PCSK7: variants seen among roughly 807,000 people sequenced by gnomAD.
PCSK7 encodes the protein lymphoma proprotein convertase.
A neutral mutation model predicts 73.3 loss-of-function variants in PCSK7; 38 were observed. The observed-to-expected ratio is 0.52, with a 90% CI of 0.40 to 0.68. The LOEUF is 0.68. Ranked by LOEUF, PCSK7 falls within the 30% of genes least tolerant of loss-of-function variation. The pLI is 0.00. For synonymous variants in PCSK7, 296 were observed against 383.8 expected, an observed-to-expected ratio of 0.77 and a Z score of 2.68; for missense variants, 692 against 991.5, an observed-to-expected ratio of 0.70 and a Z score of 4.06.
rs1457714312 is a variant in PCSK7, at chr11:117,218,019, C to T, written c.1534+447G>A. ...CCCTCTGTCCATCCCCAGCAGACCA[C>T]ATCTGACTCTCTCTATTAGGTAAGC... On this transcript the variant is annotated intron_variant, in intron 12 of 16. Coordinates refer to ENST00000320934, the MANE Select transcript of PCSK7 (RefSeq NM_004716.4). The surrounding 1 kb of genome is among the most constrained non-coding windows in gnomAD (Gnocchi z 4.0). The T allele has an allele frequency of 6.6e-6, 1 of 152,668 alleles. No homozygotes were observed. Among genetic ancestry groups the T allele is most frequent in the Non-Finnish European group, 1.5e-5 (1 of 68,386 alleles). 9.5% of individuals were successfully genotyped at this position (152,668 alleles called of 1,614,324 possible).
chr11:117,230,219 T>C (rs2032591576), intron 2 of PCSK7, 130 bp downstream of exon 2: 1 of 203,844 alleles, frequency 4.9e-6, no homozygotes, highest in Non-Finnish European at 9.9e-6. Flanking sequence ...ACTGGCTGCA[T>C]CGTGACTGTT....
intron 4 of PCSK7, among the ~76,000 whole-genome samples, chr11:117,227,799 CTG>C (rs531387228): frequency 4.5e-4 from 69 of 152,336 alleles, no homozygotes; most frequent in Non-Finnish European, 8.2e-4. Flanking sequence ...GCAAAGGACA[CTG>C]GGGCAAAACT....
At chr11:117,231,520 CCCA>C (rs1285798775) in intron 1 of PCSK7, among the ~76,000 whole-genome samples, 1 of 152,182 alleles carries the variant, frequency 6.6e-6, no homozygotes, top group Non-Finnish European at 1.5e-5. Context: ...CTCAGTAGAT[CCCA>C]CCACAGATGT....
Position 117,227,886 on chromosome 11 carries a change from A to T in PCSK7, c.603+330T>A, listed in dbSNP as rs1057185234. ...TGCCTACAGCTCCACGGCTTGGGAA[A>T]CCTGGAAAAAAGGCAGGTAGGGCTC... is the stretch of plus-strand genomic sequence containing the variant. On this transcript the variant is annotated intron_variant, in intron 4 of 16. Coordinates refer to ENST00000320934, the MANE Select transcript of PCSK7 (RefSeq NM_004716.4). Among the ~76,000 whole-genome samples, 4 of 152,156 alleles carry T rather than the reference A, an allele frequency of 2.6e-5. No homozygotes were observed. In the East Asian group the frequency reaches 7.7e-4, roughly 29 times the overall value.
At position 117,219,178 on chromosome 11, in the gene PCSK7, G is replaced by C. The variant is rs748643600; in HGVS notation, c.1324-14C>G. 9 of 1,580,722 alleles carry C rather than the reference G, an allele frequency of 5.7e-6. 1 individual carries two copies. In the South Asian group the frequency reaches 1.0e-4, roughly 18 times the overall value. ...GCGATCCTCATACTGAAAGGACAGA[G>C]GTCCTGGTTAGTCTCTTGCATTGCC... is the stretch of plus-strand genomic sequence containing the variant. On this transcript the variant is annotated splice_polypyrimidine_tract_variant and intron_variant, in intron 10 of 16. Coordinates refer to ENST00000320934, the MANE Select transcript of PCSK7 (RefSeq NM_004716.4).
At chr11:117,230,097 C>T in intron 2 of PCSK7, 1 of 458,552 alleles carries the variant, frequency 2.2e-6, no homozygotes. Context: ...AGCAAGACAG[C>T]CAATCCTCAC....
intron 12 of PCSK7, chr11:117,211,793 C>G (rs2031739681): frequency 6.6e-6 from 1 of 152,242 alleles, no homozygotes; most frequent in Non-Finnish European, 1.5e-5. Context: ...AGCATGGGCT[C>G]TGGAGCCACT....
chr11:117,219,323 C>T (rs937801451), intron 10 of PCSK7, 159 bp from the exon 11 acceptor site: 3 of 660,016 alleles, frequency 4.5e-6, no homozygotes, highest in African/African-American at 1.8e-5. Flanking sequence ...GACAAAAGGT[C>T]AAAGCCCATG....
At position 117,205,774 on chromosome 11, in the gene PCSK7, T is replaced by C. The variant is rs1176192946; in HGVS notation, c.*223A>G. On this transcript the variant is annotated 3_prime_UTR_variant, in exon 17 of 17. Transcript: ENST00000320934. ...GGCGCCAATCCCCTGTCCAACACCT[T>C]CTCACCAAAAGCTCCCGTTTGGCTG... 12 of 438,228 alleles carry C rather than the reference T, an allele frequency of 2.7e-5. No individual in the cohort carries two copies. Among genetic ancestry groups the C allele is most frequent in the Non-Finnish European group, 4.5e-5 (11 of 246,790 alleles). The allele number at this position is 438,228 out of a possible 1,614,324, so 27.1% of individuals were successfully genotyped here. A position where few individuals can be genotyped will look rare whatever the true frequency, so the allele number is the denominator to read the frequency against.
intron 2 of PCSK7, 116 bp downstream of exon 2, chr11:117,230,233 T>C (rs2032592136): frequency 5.3e-6 from 1 of 188,248 alleles, no homozygotes; most frequent in East Asian, 1.4e-4. Context: ...GACTGTTCTT[T>C]AGCAGAGACA....
rs60347105 is a variant in PCSK7 at position 117,209,847 on chromosome 11, GA to G, written c.1535-795del. The G allele has an allele frequency of 9.7e-3, 1,334 of 136,968 alleles. 9 individuals are homozygous for G. The highest frequency in any genetic ancestry group is 0.032 in the African/African-American group (1,178 of 36,488). 8.5% of individuals were successfully genotyped at this position (136,968 alleles called of 1,614,324 possible). A position where few individuals can be genotyped will look rare whatever the true frequency, so the allele number is the denominator to read the frequency against. ...CAACAGAACAAGACCCTGTCTCAAA[GA>G]AAAAAAAAAAAAGAAAAAGGATGCG... On this transcript the variant is annotated intron_variant, in intron 12 of 16. Transcript: ENST00000320934.
rs767117468 is a variant in PCSK7, at chr11:117,228,327, C to T, written c.492G>A (p.Arg164=). The change falls in exon 4 of 17, where the codon AGG becomes AGA. Residue 164 remains arginine, a synonymous_variant. Transcript: ENST00000320934. ...CCCACACACCCGTCACGTTGATGTC[C>T]CTGCCCGGGCTCCGTCGGTTATTCT... ...WHLNNRRSPG[R]DINVTGVWER... 4 of 1,614,010 alleles carry T rather than the reference C, an allele frequency of 2.5e-6. No individual in the cohort carries two copies. In the Admixed American group the frequency reaches 5.0e-5, roughly 20 times the overall value.
chr11:117,226,042 C>A (rs377503589), intron 5 of PCSK7, 21 bp from the exon 6 acceptor site: 1 of 1,333,898 alleles, frequency 7.5e-7, no homozygotes, highest in African/African-American at 1.4e-5. Flanking sequence ...AAGGCCACAG[C>A]AGCTCCTCAC....
At chr11:117,224,291 C>T in intron 7 of PCSK7, 75 bp from the exon 8 acceptor site, 1 of 1,467,740 alleles carries the variant, frequency 6.8e-7, no homozygotes, top group Non-Finnish European at 9.5e-7. Flanking sequence ...CAGTCACCCT[C>T]TCCACCCCTT....
Position 117,228,312 on chromosome 11 carries a change from C to G in PCSK7, c.507G>C (p.Thr169=). ...CAGTCACATTGCGTTCCCACACACCCGTCACGTTGATGTCCCTGCCCGGGC... is the reference window on the plus strand; with the variant it reads ...CAGTCACATTGCGTTCCCACACACCGGTCACGTTGATGTCCCTGCCCGGGC... ...RRSPGRDINV[T]GVWERNVTGR... is the part of the protein sequence containing the mutation. The change falls in exon 4 of 17, where the codon ACG becomes ACC. Residue 169 remains threonine, a synonymous_variant. Transcript: ENST00000320934. The G allele has an allele frequency of 6.2e-7, 1 of 1,614,016 alleles. No individual in the cohort carries two copies. The highest frequency in any genetic ancestry group is 1.3e-5 in the African/African-American group (1 of 75,056).
At chr11:117,220,437 C>G (rs61906489) in intron 9 of PCSK7, 4,363 of 152,582 alleles carry the variant, frequency 0.029, 86 homozygotes, top group Non-Finnish European at 0.035. Flanking sequence ...GAGACAGCAT[C>G]TCACTATGTT....
At chr11:117,222,653 T>A in intron 9 of PCSK7, 1 of 80,064 alleles carries the variant, frequency 1.2e-5, no homozygotes, top group East Asian at 2.8e-4. Context: ...ACTTAGTTTC[T>A]TTTTTTTTTT....
chr11:117,228,167 A>G (rs754638750), intron 4 of PCSK7, 49 bp downstream of exon 4: 1 of 1,586,916 alleles, frequency 6.3e-7, no homozygotes, highest in Non-Finnish European at 8.6e-7. Context: ...CAACATCAAG[A>G]AGGAGGTAAG....
In PCSK7 at chr11:117,205,647, C is replaced by T. The variant is rs1295956240; in HGVS notation, c.*350G>A. The T allele has an allele frequency of 3.8e-6, 1 of 263,492 alleles. No individual in the cohort carries two copies. The highest frequency in any genetic ancestry group is 7.2e-6 in the Non-Finnish European group (1 of 139,324). The allele number at this position is 263,492 out of a possible 1,614,324, so 16.3% of individuals were successfully genotyped here. ...GAGATGCGCTCCTGGCTATGGCAGG[C>T]ACCTTCTCAACTTATATGTGGGAAG... On this transcript the variant is annotated 3_prime_UTR_variant, in exon 17 of 17. Transcript: ENST00000320934.
Sources: allele counts gnomAD v4.1 joint callset (sites outside exome capture counted in the v4.1 genomes callset), GRCh38; gene constraint gnomAD v4.1.1; non-coding constraint Gnocchi (gnomAD v3.1); transcripts MANE v1.5; gene names NCBI Gene and HGNC (gene_info 2026-07-23, HGNC 2026-07-21).